The following ADCY9 variants were observed in gnomAD, a reference collection of about 807,000 sequenced individuals.
ADCY9 encodes adenylate cyclase type 9.
A neutral mutation model predicts 101.5 loss-of-function variants in ADCY9; 50 were observed. The observed-to-expected ratio is 0.49, with a 90% CI of 0.39 to 0.62. ADCY9 has a LOEUF of 0.62. ADCY9 is among the 20% of genes least tolerant of loss of function. The pLI, the probability that ADCY9 is intolerant of heterozygous loss-of-function variation, is 0.00. For synonymous variants in ADCY9, 905 were observed against 769.3 expected, an observed-to-expected ratio of 1.18 and a Z score of -2.92; for missense variants, 1,662 against 1,800.4, an observed-to-expected ratio of 0.92 and a Z score of 1.39.
chr16:4,054,696 G>A (rs143685939), intron 2 of ADCY9, among the ~76,000 whole-genome samples: 2,262 of 151,748 alleles, frequency 0.015, 53 homozygotes, highest in African/African-American at 0.05. Flanking sequence ...TCAGCCTCCC[G>A]AGTAGCTGGG....
intron 2 of ADCY9, among the ~76,000 whole-genome samples, chr16:4,064,385 G>A (rs2056788844): frequency 6.6e-6 from 1 of 152,290 alleles, no homozygotes; most frequent in Non-Finnish European, 1.5e-5. Flanking sequence ...TTATGAGTGG[G>A]TAACTGAAGC....
chr16:3,995,436 T>A (rs1030752059), intron 3 of ADCY9, among the ~76,000 whole-genome samples: 1 of 151,954 alleles, frequency 6.6e-6, no homozygotes, highest in African/African-American at 2.4e-5. Context: ...CTTAAAAAAA[T>A]AATAATTAAA....
chr16:4,038,099 A>G (rs1374004051), intron 2 of ADCY9, among the ~76,000 whole-genome samples: 1 of 151,888 alleles, frequency 6.6e-6, no homozygotes, highest in African/African-American at 2.4e-5. Flanking sequence ...CACAGCGAAG[A>G]CTCCGTCTCT....
At chr16:4,088,556 C>G (rs2056954127) in intron 2 of ADCY9, among the ~76,000 whole-genome samples, 1 of 151,978 alleles carries the variant, frequency 6.6e-6, no homozygotes, top group Non-Finnish European at 1.5e-5. Flanking sequence ...TCCCGAAGTG[C>G]TGGGATGACA....
intron 2 of ADCY9, among the ~76,000 whole-genome samples, chr16:4,060,707 A>C (rs537747244): frequency 1.4e-4 from 22 of 152,348 alleles, no homozygotes; most frequent in Admixed American, 1.3e-3. Flanking sequence ...GCAAGTCACA[A>C]ACAAAAAGAA....
intron 2 of ADCY9, among the ~76,000 whole-genome samples, chr16:4,038,269 C>T (rs190445288): frequency 8.8e-4 from 125 of 142,766 alleles, no homozygotes; most frequent in African/African-American, 2.7e-3. Flanking sequence ...CGACAGAGTA[C>T]GATTCTGTCT....
At position 4,115,456 on chromosome 16, in the gene ADCY9, G is replaced by A. The variant is rs1359472023; in HGVS notation, c.-14C>T. 2 of 1,524,006 alleles carry A rather than the reference G, an allele frequency of 1.3e-6. No individual in the cohort carries two copies. The highest frequency in any genetic ancestry group is 2.4e-4 in the Middle Eastern group (1 of 4,252). 94.4% of individuals were successfully genotyped at this position (1,524,006 alleles called of 1,614,324 possible). ...TGGGGAAGCCATGTTGTCGAGTCCC[G>A]GGGCCTGCCCCGGCCGGGGTCACCA... is the stretch of plus-strand genomic sequence containing the variant. On this transcript the variant is annotated 5_prime_UTR_variant, in exon 2 of 11. Transcript: ENST00000294016. The surrounding 1 kb of genome is among the most constrained non-coding windows in gnomAD (Gnocchi z 6.2).
intron 2 of ADCY9, among the ~76,000 whole-genome samples, chr16:4,029,949 C>T (rs1425678476): frequency 1.3e-5 from 2 of 152,128 alleles, no homozygotes; most frequent in Non-Finnish European, 1.5e-5. Context: ...AGAAACTGCA[C>T]CCACCCACCA....
intron 2 of ADCY9, among the ~76,000 whole-genome samples, chr16:4,100,333 T>C (rs1426835943): frequency 6.6e-6 from 1 of 152,044 alleles, no homozygotes; most frequent in Admixed American, 6.6e-5. Context: ...GCATCTTTTT[T>C]GTTTGTTTGT....
intron 2 of ADCY9, among the ~76,000 whole-genome samples, chr16:4,018,468 C>A (rs1399910639): frequency 2.6e-5 from 4 of 152,152 alleles, no homozygotes; most frequent in Non-Finnish European, 4.4e-5. Flanking sequence ...CCGCCTCGGC[C>A]TCCCAAAGTG....
chr16:4,022,748 T>G (rs188775080), intron 2 of ADCY9, among the ~76,000 whole-genome samples: 198 of 152,252 alleles, frequency 1.3e-3, no homozygotes, highest in African/African-American at 4.6e-3. Context: ...GAGCTGTGAC[T>G]GCACCATTGC....
intron 3 of ADCY9, among the ~76,000 whole-genome samples, chr16:3,994,711 G>A (rs2056273893): frequency 6.6e-6 from 1 of 152,146 alleles, no homozygotes; most frequent in African/African-American, 2.4e-5. Flanking sequence ...ACCCGTCTTG[G>A]CCTCCCAAAG....
At chr16:4,077,908 A>AG (rs137955172) in intron 2 of ADCY9, among the ~76,000 whole-genome samples, 1 of 65,964 alleles carries the variant, frequency 1.5e-5, no homozygotes, top group East Asian at 8.5e-4. Flanking sequence ...AGTCTTCGGC[A>AG]GAATTGCTTG....
rs549633928 is a variant in ADCY9, at chr16:3,985,046, C to T, written c.2311-1606G>A. Among the ~76,000 whole-genome samples the T allele has an allele frequency of 3.3e-5, 5 of 152,220 alleles. No homozygotes were observed. In the East Asian group the frequency reaches 9.7e-4, roughly 29 times the overall value. ...AAATTCTCTCCAAGGAAGCTGGAGG[C>T]TCTGTAGTGCCCAAAAGGGCAAGTC... On this transcript the variant is annotated intron_variant, in intron 6 of 10. Coordinates refer to ENST00000294016, the MANE Select transcript of ADCY9 (RefSeq NM_001116.4).
intron 6 of ADCY9, among the ~76,000 whole-genome samples, chr16:3,988,536 T>A (rs912529808): frequency 9.5e-6 from 1 of 105,534 alleles, no homozygotes; most frequent in African/African-American, 3.7e-5. Context: ...CGGGGTTCCT[T>A]TCCAGGGCAG....
At chr16:4,027,068 C>T (rs954949624) in intron 2 of ADCY9, among the ~76,000 whole-genome samples, 4 of 152,160 alleles carry the variant, frequency 2.6e-5, no homozygotes, top group African/African-American at 9.7e-5. Context: ...TTGGTCGCCT[C>T]CTGCAACCAA....
At chr16:4,071,628 G>C (rs2056835277) in intron 2 of ADCY9, among the ~76,000 whole-genome samples, 1 of 152,088 alleles carries the variant, frequency 6.6e-6, no homozygotes, top group Non-Finnish European at 1.5e-5. Context: ...TTAGATTCTA[G>C]CCTTAACCAT....
chr16:4,033,055 T>C (rs2056566904), intron 2 of ADCY9: 1 of 152,318 alleles, frequency 6.6e-6, no homozygotes, highest in South Asian at 2.1e-4. Flanking sequence ...ATTTGGTTGC[T>C]GTGCAAACAC....
intron 2 of ADCY9, among the ~76,000 whole-genome samples, chr16:4,040,585 T>C (rs1567449547): frequency 6.6e-6 from 1 of 151,670 alleles, no homozygotes; most frequent in Admixed American, 6.6e-5. Context: ...GCCTCCCGAG[T>C]AGCTAGGATT....
Sources: gnomAD v4.1 joint callset for allele counts (sites outside exome capture counted in the v4.1 genomes callset) on GRCh38, gnomAD v4.1.1 for gene constraint, Gnocchi (gnomAD v3.1) non-coding constraint, MANE v1.5 for transcripts, NCBI Gene and HGNC (gene_info 2026-07-23, HGNC 2026-07-21) for gene names.